The following HIPK2 variants were observed in gnomAD, a reference collection of about 807,000 sequenced individuals.
HIPK2 encodes the protein homeodomain interacting protein kinase 2, also known as homeodomain-interacting protein kinase 2.
In HIPK2, 27 loss-of-function variants were observed where a neutral mutation model predicts 113.7. The ratio of observed to expected loss-of-function variants is 0.24; its 90% CI spans 0.17 to 0.33. The LOEUF is 0.33. HIPK2 is among the 10% of genes least tolerant of loss of function. HIPK2 has a pLI of 1.00. For missense variants in HIPK2, 1,257 were observed against 1,588.0 expected (o/e 0.79, Z 3.54); for synonymous variants, 631 against 642.2 (o/e 0.98, Z 0.26).
intron 10 of HIPK2, among the ~76,000 whole-genome samples, chr7:139,601,008 C>T (rs777700230): frequency 2.0e-5 from 3 of 152,174 alleles, no homozygotes; most frequent in Admixed American, 6.5e-5. Flanking sequence ...TCTGGGAGAC[C>T]GAGGAGGGCA....
Position 139,566,828 on chromosome 7 carries a change from G to A in HIPK2, c.*6099C>T, listed in dbSNP as rs1304778555. On this transcript the variant is annotated 3_prime_UTR_variant, in exon 15 of 15. Transcript: ENST00000406875. The surrounding 1 kb of genome is among the most constrained non-coding windows in gnomAD (Gnocchi z 4.1). ...CAGTCAGTGTCATGTTCAACACAGG[G>A]ATCTGAGATGAGGGGCTCCCAGAGG... The A allele has an allele frequency of 6.6e-6, 1 of 152,256 alleles. No homozygotes were observed. Among genetic ancestry groups the A allele is most frequent in the Non-Finnish European group, 1.5e-5 (1 of 68,060 alleles). 9.4% of individuals were successfully genotyped at this position (152,256 alleles called of 1,614,324 possible). A position where few individuals can be genotyped will look rare whatever the true frequency, so the allele number is the denominator to read the frequency against.
chr7:139,775,718 G>A (rs1796728399), intron 1 of HIPK2, among the ~76,000 whole-genome samples: 1 of 152,170 alleles, frequency 6.6e-6, no homozygotes, highest in East Asian at 1.9e-4. Flanking sequence ...TTCTTTATCT[G>A]GCGTAAGGAA....
intron 1 of HIPK2, among the ~76,000 whole-genome samples, chr7:139,735,630 A>G (rs969865859): frequency 1.3e-5 from 2 of 152,204 alleles, no homozygotes; most frequent in African/African-American, 4.8e-5. Flanking sequence ...AGGGGAGAAG[A>G]GATAACTGAC....
chr7:139,597,628 A>G (rs1799269919), intron 11 of HIPK2, among the ~76,000 whole-genome samples: 1 of 152,214 alleles, frequency 6.6e-6, no homozygotes. Context: ...AAAACCTTAA[A>G]AATGATTTTT....
At position 139,570,139 on chromosome 7, in the gene HIPK2, G is replaced by A. The variant is rs1798217147; in HGVS notation, c.*2788C>T. 6.6e-6 allele frequency: 1 copy of A among 152,086 alleles called. No homozygotes were observed. Among genetic ancestry groups the A allele is most frequent in the Admixed American group, 6.5e-5 (1 of 15,270 alleles). 9.4% of individuals were successfully genotyped at this position (152,086 alleles called of 1,614,324 possible). ...GAAATGAACTGTGCCCAGGAATCTG[G>A]GGGTGCTCTCCAGTAAGGCGAACTG... On this transcript the variant is annotated 3_prime_UTR_variant, in exon 15 of 15. Transcript: ENST00000406875.
chr7:139,724,125 T>A (rs550780464), intron 1 of HIPK2, among the ~76,000 whole-genome samples: 2 of 152,132 alleles, frequency 1.3e-5, no homozygotes, highest in East Asian at 3.9e-4. Context: ...ATAGAATATG[T>A]CAAAAATATA....
At chr7:139,774,069 T>C (rs1796698483) in intron 1 of HIPK2, among the ~76,000 whole-genome samples, 2 of 152,224 alleles carry the variant, frequency 1.3e-5, no homozygotes, top group Non-Finnish European at 2.9e-5. Context: ...CTTTCTTCTA[T>C]GGCTATAGGG....
rs1798308875 is a variant in HIPK2, at chr7:139,572,309, C to T, written c.*618G>A. 1 of 152,256 alleles carries T rather than the reference C, an allele frequency of 6.6e-6. No homozygotes were observed. Among genetic ancestry groups the T allele is most frequent in the African/African-American group, 2.4e-5 (1 of 41,476 alleles). The allele number at this position is 152,256 out of a possible 1,614,324, so 9.4% of individuals were successfully genotyped here. ...CTGGGCTTCGCCAATCCCACACCAG[C>T]TCCAAACATCAGCCTCCTCAGGCTG... On this transcript the variant is annotated 3_prime_UTR_variant, in exon 15 of 15. Coordinates refer to ENST00000406875, the MANE Select transcript of HIPK2 (RefSeq NM_022740.5).
intron 2 of HIPK2, among the ~76,000 whole-genome samples, chr7:139,671,414 A>G (rs553610939): frequency 1.3e-5 from 2 of 152,338 alleles, no homozygotes; most frequent in Non-Finnish European, 2.9e-5. Context: ...TAACATTGTA[A>G]TTGCCCTGCA....
intron 12 of HIPK2, among the ~76,000 whole-genome samples, chr7:139,587,547 G>A (rs1042096615): frequency 2.7e-5 from 4 of 146,412 alleles, no homozygotes; most frequent in African/African-American, 5.0e-5. Flanking sequence ...GCACTTCGCC[G>A]CTGTACATCA....
rs529882182 is a variant in HIPK2, at chr7:139,749,288, T to C, written c.19+28317A>G. 1.1e-4 allele frequency among the ~76,000 whole-genome samples: 16 copies of C among 152,364 alleles called. No homozygotes were observed. The South Asian group carries it at 3.1e-3, about 30-fold the overall frequency. On this transcript the variant is annotated intron_variant, in intron 1 of 14. Transcript: ENST00000406875. Reference sequence around the variant, plus strand: ...AACAGAAAGCTATCCACCAGCACAGTGGACCCAGAAAGGTGCTGTGGTTCA... The same window carrying C: ...AACAGAAAGCTATCCACCAGCACAGCGGACCCAGAAAGGTGCTGTGGTTCA...
intron 1 of HIPK2, among the ~76,000 whole-genome samples, chr7:139,769,210 G>A (rs1483379772): frequency 7.2e-6 from 1 of 139,790 alleles, no homozygotes; most frequent in Non-Finnish European, 1.5e-5. Context: ...GTGTTCTCCT[G>A]CACCACCCCA....
chr7:139,607,913 G>A (rs1799676674), intron 9 of HIPK2, among the ~76,000 whole-genome samples: 1 of 152,056 alleles, frequency 6.6e-6, no homozygotes, highest in South Asian at 2.1e-4. Context: ...GAAACACAGA[G>A]TTAAAGAACA....
chr7:139,636,785 T>A (rs1007980377), intron 2 of HIPK2, among the ~76,000 whole-genome samples: 1 of 152,228 alleles, frequency 6.6e-6, no homozygotes, highest in African/African-American at 2.4e-5. Flanking sequence ...GACAGTCATC[T>A]TACTCGCTCC....
At chr7:139,625,981 GCA>G (rs1800412808) in intron 6 of HIPK2, among the ~76,000 whole-genome samples, 1 of 152,058 alleles carries the variant, frequency 6.6e-6, no homozygotes, top group Non-Finnish European at 1.5e-5. Context: ...CTCTCTTCCT[GCA>G]CAGATACCCA....
chr7:139,626,623 G>A lies in HIPK2; in HGVS notation c.1597C>T (p.Leu533Phe). Reference protein sequence around the residue: ...NHPFVTMTHLLDFPHSTHVKS... With the variant: ...NHPFVTMTHLFDFPHSTHVKS... ...TACTGTGTGCTGTGGGGAAAATCGA[G>A]TAAGTGTGTCATGGTGACAAAGGGA... Residue 533 changes from leucine to phenylalanine, a missense_variant, in exon 6 of 15, where the codon CTC (leucine) becomes TTC (phenylalanine). Physicochemically the swap from Leu to Phe is conservative, Grantham distance 22. Transcript: ENST00000406875. 2 of 1,613,918 alleles carry A rather than the reference G, an allele frequency of 1.2e-6. No homozygotes were observed. Among genetic ancestry groups the A allele is most frequent in the Non-Finnish European group, 8.5e-7 (1 of 1,179,826 alleles).
In HIPK2 at chr7:139,596,708, C is replaced by T; in HGVS notation, c.2717+9G>A. The T allele has an allele frequency of 6.2e-7, 1 of 1,606,960 alleles. No individual in the cohort carries two copies. Among genetic ancestry groups the T allele is most frequent in the Non-Finnish European group, 8.5e-7 (1 of 1,173,904 alleles). ...TCCTTCCTGGAAGGCTAAGGTGGCA[C>T]TGCCTCACCTGGTGGGGGCGTGTTT... On this transcript the variant is annotated intron_variant, in intron 12 of 14. Transcript: ENST00000406875.
At chr7:139,743,014 T>C (rs185299178) in intron 1 of HIPK2, among the ~76,000 whole-genome samples, 143 of 152,246 alleles carry the variant, frequency 9.4e-4, no homozygotes, top group African/African-American at 3.4e-3. Context: ...TTTCACAAAC[T>C]AGTGGAGATG....
intron 1 of HIPK2, among the ~76,000 whole-genome samples, chr7:139,753,499 A>G (rs975940341): frequency 6.6e-6 from 1 of 152,242 alleles, no homozygotes; most frequent in Non-Finnish European, 1.5e-5. Flanking sequence ...GAAAGACACC[A>G]AATGTCATGA....
Sources: gnomAD v4.1 joint callset for allele counts (sites outside exome capture counted in the v4.1 genomes callset) on GRCh38, gnomAD v4.1.1 for gene constraint, Gnocchi (gnomAD v3.1) non-coding constraint, MANE v1.5 for transcripts, NCBI Gene and HGNC (gene_info 2026-07-23, HGNC 2026-07-21) for gene names.